GALNT1: variants seen among roughly 807,000 people sequenced by gnomAD.
The protein encoded by GALNT1 is GalNAc transferase 1.
A neutral mutation model predicts 65.7 loss-of-function variants in GALNT1; 17 were observed. The ratio of observed to expected loss-of-function variants is 0.26; its 90% CI spans 0.18 to 0.39. GALNT1 has a LOEUF of 0.39. Among genes scored for constraint, GALNT1 ranks in the 10% least tolerant of loss-of-function variants. The pLI is 1.00. For missense variants in GALNT1, 460 were observed against 672.8 expected (o/e 0.68, Z 3.50); for synonymous variants, 210 against 219.7 (o/e 0.96, Z 0.39).
At chr18:35,631,140 A>G (rs1028054336) in intron 1 of GALNT1, among the ~76,000 whole-genome samples, 4 of 152,236 alleles carry the variant, frequency 2.6e-5, no homozygotes, top group African/African-American at 9.6e-5. Context: ...AGGAGCTGGT[A>G]CCATTCCTTA....
chr18:35,701,794 T>A (rs746054302), intron 9 of GALNT1, among the ~76,000 whole-genome samples: 2 of 152,212 alleles, frequency 1.3e-5, no homozygotes, highest in Admixed American at 6.5e-5. Context: ...AGTGTTCATA[T>A]TAGAAAATTG....
chr18:35,607,759 A>G (rs554814283), intron 1 of GALNT1, among the ~76,000 whole-genome samples: 1 of 152,268 alleles, frequency 6.6e-6, no homozygotes, highest in Admixed American at 6.5e-5. Context: ...CGGTCATGCT[A>G]CAGTCCTTTT....
At chr18:35,658,718 T>G (rs1234829907) in intron 2 of GALNT1, among the ~76,000 whole-genome samples, 4 of 151,764 alleles carry the variant, frequency 2.6e-5, no homozygotes, top group African/African-American at 9.7e-5. Flanking sequence ...TCTTTTTTTT[T>G]TTTTTTTTAA....
rs2047510165 is a variant in GALNT1 at position 35,663,908 on chromosome 18, A to T, written c.314+106A>T. ...TTGTTCTTAAGGCAAATGTTATATCACTATGTTACTACTTACCCCACTTAG... is the reference window on the plus strand; with the variant it reads ...TTGTTCTTAAGGCAAATGTTATATCTCTATGTTACTACTTACCCCACTTAG... On this transcript the variant is annotated intron_variant, in intron 3 of 11. Transcript: ENST00000269195. 4 of 956,130 alleles carry T rather than the reference A, an allele frequency of 4.2e-6. No individual in the cohort carries two copies. The Admixed American group carries it at 9.0e-5, about 21-fold the overall frequency. The allele number at this position is 956,130 out of a possible 1,614,324, so 59.2% of individuals were successfully genotyped here.
intron 2 of GALNT1, 65 bp from the exon 3 acceptor site, chr18:35,663,563 A>T: frequency 6.7e-7 from 1 of 1,489,344 alleles, no homozygotes; most frequent in Non-Finnish European, 9.1e-7. Flanking sequence ...AATGTTATTA[A>T]ATAGAATCAT....
chr18:35,603,066 A>G (rs1238129213), intron 1 of GALNT1, among the ~76,000 whole-genome samples: 4 of 152,132 alleles, frequency 2.6e-5, no homozygotes, highest in South Asian at 4.1e-4. Flanking sequence ...TTGGCACTGC[A>G]TGGTGCCTTA....
At chr18:35,615,379 A>G (rs907585067) in intron 1 of GALNT1, among the ~76,000 whole-genome samples, 2 of 143,944 alleles carry the variant, frequency 1.4e-5, no homozygotes, top group Admixed American at 1.4e-4. Context: ...TCTTAGCCAC[A>G]TTTTAAAAAA....
At chr18:35,607,729 A>T (rs1238604880) in intron 1 of GALNT1, among the ~76,000 whole-genome samples, 1 of 152,158 alleles carries the variant, frequency 6.6e-6, no homozygotes, top group Non-Finnish European at 1.5e-5. Flanking sequence ...ACGCAGTAGA[A>T]TGGAGGAAGG....
intron 3 of GALNT1, among the ~76,000 whole-genome samples, chr18:35,671,908 T>G (rs1451804496): frequency 3.9e-5 from 6 of 152,218 alleles, no homozygotes; most frequent in Non-Finnish European, 7.3e-5. Context: ...TACTGCTGCT[T>G]CACTATTTCC....
chr18:35,612,599 C>T (rs1244685811), intron 1 of GALNT1, among the ~76,000 whole-genome samples: 1 of 152,182 alleles, frequency 6.6e-6, no homozygotes. Flanking sequence ...GGGCGTGGTG[C>T]TCACGCCTGT....
At chr18:35,652,284 C>G (rs2047321362) in intron 1 of GALNT1, among the ~76,000 whole-genome samples, 1 of 152,280 alleles carries the variant, frequency 6.6e-6, no homozygotes, top group South Asian at 2.1e-4. Flanking sequence ...TGTGGACATT[C>G]TTTCTTTGTT....
At chr18:35,684,789 G>A (rs1598805512) in intron 5 of GALNT1, among the ~76,000 whole-genome samples, 1 of 152,236 alleles carries the variant, frequency 6.6e-6, no homozygotes, top group African/African-American at 2.4e-5. Context: ...GCCAGCTTTC[G>A]CTGGTAGGGT....
At chr18:35,680,374 C>T (rs530888152) in intron 4 of GALNT1, among the ~76,000 whole-genome samples, 2 of 152,268 alleles carry the variant, frequency 1.3e-5, no homozygotes, top group East Asian at 3.9e-4. Flanking sequence ...TCATAACACT[C>T]TACTCCTCTG....
intron 3 of GALNT1, among the ~76,000 whole-genome samples, chr18:35,669,300 C>G (rs1176110545): frequency 6.6e-6 from 1 of 152,146 alleles, no homozygotes; most frequent in African/African-American, 2.4e-5. Context: ...CACAGACTTC[C>G]AGGCATAGAT....
At chr18:35,682,018 GAC>G (rs2047794263) in intron 4 of GALNT1, among the ~76,000 whole-genome samples, 3 of 152,090 alleles carry the variant, frequency 2.0e-5, no homozygotes, top group Admixed American at 1.3e-4. Context: ...ATGCTAAACA[GAC>G]ACAAAATGTT....
intron 1 of GALNT1, among the ~76,000 whole-genome samples, chr18:35,625,252 G>A (rs938537625): frequency 6.6e-6 from 1 of 152,178 alleles, no homozygotes; most frequent in Admixed American, 6.5e-5. Flanking sequence ...GTGAAGCTGT[G>A]CCACTGCTGA....
intron 2 of GALNT1, among the ~76,000 whole-genome samples, chr18:35,663,287 C>G (rs1325139179): frequency 2.0e-5 from 3 of 152,116 alleles, no homozygotes; most frequent in Non-Finnish European, 4.4e-5. Flanking sequence ...AAATTAGGTT[C>G]AATTCCCCAT....
chr18:35,686,222 A>G (rs1290215231), intron 5 of GALNT1, among the ~76,000 whole-genome samples: 2 of 152,176 alleles, frequency 1.3e-5, no homozygotes, highest in African/African-American at 4.8e-5. Context: ...TCACGAAAAA[A>G]TCTTGAGAGA....
At chr18:35,598,289 C>T (rs916375956) in intron 1 of GALNT1, among the ~76,000 whole-genome samples, 1 of 151,964 alleles carries the variant, frequency 6.6e-6, no homozygotes, top group African/African-American at 2.4e-5. Flanking sequence ...CCTGCCTCGG[C>T]CTTCCAAAGT....
Sources: allele counts gnomAD v4.1 joint callset (sites outside exome capture counted in the v4.1 genomes callset), GRCh38; gene constraint gnomAD v4.1.1; transcripts MANE v1.5; gene names NCBI Gene and HGNC (gene_info 2026-07-23, HGNC 2026-07-21).